CSMD1: variants seen among roughly 807,000 people sequenced by gnomAD.
CSMD1 encodes the protein CUB and sushi domain-containing protein 1.
A neutral mutation model predicts 417.5 loss-of-function variants in CSMD1; 213 were observed. That is an observed-to-expected ratio of 0.51 (90% CI 0.46 to 0.57). The LOEUF (loss-of-function observed/expected upper bound fraction) is 0.57, where lower values mean the gene tolerates loss of function less well. Ranked by LOEUF, CSMD1 falls within the 20% of genes least tolerant of loss-of-function variation. The pLI is 0.00. For synonymous variants in CSMD1, 2,862 were observed against 1,736.8 expected (o/e 1.65, Z -16.11); for missense variants, 6,923 against 4,529.7 (o/e 1.53, Z -15.17).
chr8:3,295,964 G>T (rs191302430), intron 25 of CSMD1, among the ~76,000 whole-genome samples: 1 of 152,050 alleles, frequency 6.6e-6, no homozygotes, highest in South Asian at 2.1e-4. Context: ...TCCTGCCTTC[G>T]TGGAGTTCGT....
At chr8:3,851,342 C>T (rs1296432513) in intron 5 of CSMD1, among the ~76,000 whole-genome samples, 1 of 152,200 alleles carries the variant, frequency 6.6e-6, no homozygotes, top group African/African-American at 2.4e-5. Flanking sequence ...AACTTGATAG[C>T]CCATCCATTC....
At chr8:3,091,388 T>C (rs1814933033) in intron 48 of CSMD1, 128 bp downstream of exon 48, 2 of 614,632 alleles carry the variant, frequency 3.3e-6, no homozygotes, top group African/African-American at 1.9e-5. Context: ...CATATATTTC[T>C]ACTGTAGTTA....
At chr8:3,860,032 T>C (rs1199899544) in intron 5 of CSMD1, among the ~76,000 whole-genome samples, 1 of 152,178 alleles carries the variant, frequency 6.6e-6, no homozygotes, top group East Asian at 1.9e-4. Flanking sequence ...AAGAATGTGC[T>C]TGTGGAGGGT....
Position 4,552,449 on chromosome 8 carries a change from T to G in CSMD1, c.302+84893A>C, listed in dbSNP as rs186523236. Among the ~76,000 whole-genome samples, 51 of 152,164 alleles carry G rather than the reference T, an allele frequency of 3.4e-4. No individual in the cohort carries two copies. In the East Asian group the frequency reaches 7.8e-3, roughly 23 times the overall value. On this transcript the variant is annotated intron_variant, in intron 2 of 69. Transcript: ENST00000635120. ...TCCTATTGGTTCAACAATGTGAAGG[T>G]GTAGAAATAGTACCAAGAACAGATT... is the stretch of plus-strand genomic sequence containing the variant.
At chr8:4,381,539 G>T (rs1803104356) in intron 3 of CSMD1, among the ~76,000 whole-genome samples, 2 of 152,234 alleles carry the variant, frequency 1.3e-5, no homozygotes, top group South Asian at 4.2e-4. Flanking sequence ...TTGGTAGGGA[G>T]GAGGTATTTT....
At position 4,828,513 on chromosome 8, in the gene CSMD1, A is replaced by G. The variant is rs147208137; in HGVS notation, c.85+165819T>C. Among the ~76,000 whole-genome samples the G allele has an allele frequency of 2.2e-3, 341 of 152,190 alleles. 2 individuals are homozygous for G. Among genetic ancestry groups the G allele is most frequent in the Middle Eastern group, 0.014 (4 of 294 alleles). ...CTTGGGGTAAGATCCGAAAGCACCT[A>G]TTGGTCCTTTATTGCCTGAGCCATC... On this transcript the variant is annotated intron_variant, in intron 1 of 69. Coordinates refer to ENST00000635120, the MANE Select transcript of CSMD1 (RefSeq NM_033225.6).
chr8:3,573,810 A>G (rs537261228), intron 10 of CSMD1, among the ~76,000 whole-genome samples: 4 of 149,850 alleles, frequency 2.7e-5, no homozygotes, highest in Non-Finnish European at 5.9e-5. Context: ...AGTAAATTTA[A>G]TATTACTATA....
intron 2 of CSMD1, among the ~76,000 whole-genome samples, chr8:4,424,168 C>G (rs538437862): frequency 6.6e-6 from 1 of 151,696 alleles, no homozygotes; most frequent in Non-Finnish European, 1.5e-5. Flanking sequence ...AAATTACAAA[C>G]CAGAAAAAGA....
chr8:3,745,286 C>T (rs549816893), intron 6 of CSMD1, among the ~76,000 whole-genome samples: 60 of 152,236 alleles, frequency 3.9e-4, no homozygotes, highest in African/African-American at 1.4e-3. Context: ...ACCTTCACAA[C>T]AGGAAAGAAC....
intron 3 of CSMD1, among the ~76,000 whole-genome samples, chr8:4,347,813 C>A (rs955948875): frequency 4.0e-5 from 6 of 150,334 alleles, no homozygotes; most frequent in Admixed American, 2.0e-4. Flanking sequence ...ATCACTTAAA[C>A]AGATATTATA....
chr8:4,482,265 C>T (rs1801142926), intron 2 of CSMD1, among the ~76,000 whole-genome samples: 1 of 152,084 alleles, frequency 6.6e-6, no homozygotes, highest in Non-Finnish European at 1.5e-5. Flanking sequence ...ACCCTTATAG[C>T]CCCCAGTGTG....
intron 10 of CSMD1, among the ~76,000 whole-genome samples, chr8:3,497,013 G>T (rs942190313): frequency 1.3e-5 from 2 of 152,070 alleles, no homozygotes; most frequent in Non-Finnish European, 2.9e-5. Context: ...TACTTGATAT[G>T]ATTTAGATTT....
intron 3 of CSMD1, among the ~76,000 whole-genome samples, chr8:4,157,510 G>C (rs776771341): frequency 1.3e-5 from 2 of 152,014 alleles, no homozygotes; most frequent in African/African-American, 4.8e-5. Flanking sequence ...GAGGCTCAAA[G>C]AACTGGTTAA....
At chr8:4,021,683 T>G (rs76408723) in intron 4 of CSMD1, among the ~76,000 whole-genome samples, 1 of 152,220 alleles carries the variant, frequency 6.6e-6, no homozygotes, top group African/African-American at 2.4e-5. Context: ...CCTGCGAAAC[T>G]TGTTCGGAGT....
At chr8:4,472,206 G>C (rs1203777411) in intron 2 of CSMD1, among the ~76,000 whole-genome samples, 1 of 151,774 alleles carries the variant, frequency 6.6e-6, no homozygotes, top group African/African-American at 2.4e-5. Context: ...TCTTATTTAG[G>C]AAATCTCAAA....
At chr8:4,366,224 T>C (rs1802060962) in intron 3 of CSMD1, among the ~76,000 whole-genome samples, 1 of 151,314 alleles carries the variant, frequency 6.6e-6, no homozygotes, top group South Asian at 2.1e-4. Flanking sequence ...GGTCTTCAAC[T>C]GCATCCATGT....
At chr8:3,378,624 T>G (rs1412073171) in intron 18 of CSMD1, among the ~76,000 whole-genome samples, 2 of 152,068 alleles carry the variant, frequency 1.3e-5, no homozygotes, top group East Asian at 3.9e-4. Flanking sequence ...AATCCATCAC[T>G]TAAACAGAAC....
At chr8:3,345,423 G>T (rs12548150) in intron 22 of CSMD1, among the ~76,000 whole-genome samples, 17,257 of 151,960 alleles carry the variant, frequency 0.11, 1,020 homozygotes, top group African/African-American at 0.14. Context: ...TGTCGTTGAT[G>T]AACATGGAAC....
At chr8:3,329,842 C>G (rs1806779315) in intron 23 of CSMD1, among the ~76,000 whole-genome samples, 1 of 152,168 alleles carries the variant, frequency 6.6e-6, no homozygotes, top group Admixed American at 6.5e-5. Flanking sequence ...GCTAGGGGCA[C>G]AGGGCACAGT....
Sources: gnomAD v4.1 joint callset for allele counts (sites outside exome capture counted in the v4.1 genomes callset) on GRCh38, gnomAD v4.1.1 for gene constraint, MANE v1.5 for transcripts, NCBI Gene and HGNC (gene_info 2026-07-23, HGNC 2026-07-21) for gene names.